The following KDM5A variants were observed in gnomAD, a reference collection of about 807,000 sequenced individuals.
KDM5A encodes the protein lysine-specific demethylase 5A.
In KDM5A, 42 loss-of-function variants were observed where a neutral mutation model predicts 193.5. The observed-to-expected ratio is 0.22, with a 90% confidence interval of 0.17 to 0.28. The LOEUF (loss-of-function observed/expected upper bound fraction) is 0.28, where lower values mean the gene tolerates loss of function less well. Ranked by LOEUF, KDM5A falls within the 10% of genes least tolerant of loss-of-function variation. The probability of loss-of-function intolerance (pLI) is 1.00; values close to 1 mark genes in which losing one functional copy is unlikely to be tolerated. For missense variants in KDM5A, 1,692 were observed against 2,055.1 expected (o/e 0.82, Z 3.42); for synonymous variants, 796 against 718.1 (o/e 1.11, Z -1.73).
chr12:303,212 CAT>C (rs1187783160), intron 24 of KDM5A, among the ~76,000 whole-genome samples: 1 of 152,204 alleles, frequency 6.6e-6, no homozygotes, highest in Non-Finnish European at 1.5e-5. Flanking sequence ...CACATGCACA[CAT>C]ATGTTTACTG....
At chr12:375,904 G>A (rs189765664) in intron 3 of KDM5A, among the ~76,000 whole-genome samples, 11 of 152,306 alleles carry the variant, frequency 7.2e-5, no homozygotes, top group Non-Finnish European at 1.0e-4. Flanking sequence ...GAATGTTGCC[G>A]AACAGCAAAT....
At chr12:363,236 C>T (rs1161771405) in intron 4 of KDM5A, 139 bp from the exon 5 acceptor site, 13 of 925,406 alleles carry the variant, frequency 1.4e-5, no homozygotes, top group Non-Finnish European at 2.0e-5. Flanking sequence ...ACAGCTATCC[C>T]TACCAAAATC....
chr12:289,660 A>G (rs1185576710), intron 27 of KDM5A, among the ~76,000 whole-genome samples: 1 of 148,476 alleles, frequency 6.7e-6, no homozygotes, highest in African/African-American at 2.5e-5. Context: ...GGCTGCAGTG[A>G]GCTATGACCA....
chr12:337,227 GC>G (rs1291727837), intron 10 of KDM5A, among the ~76,000 whole-genome samples: 3 of 152,212 alleles, frequency 2.0e-5, no homozygotes, highest in African/African-American at 7.2e-5. Flanking sequence ...CCTCAGCCAT[GC>G]TACCTGTTCA....
intron 10 of KDM5A, among the ~76,000 whole-genome samples, chr12:343,956 A>C (rs1944037948): frequency 6.6e-6 from 1 of 152,140 alleles, no homozygotes; most frequent in African/African-American, 2.4e-5. Flanking sequence ...GTCAGTAAAA[A>C]CAAACTTCTC....
intron 19 of KDM5A, among the ~76,000 whole-genome samples, chr12:315,429 C>T (rs1379356723): frequency 6.6e-6 from 1 of 152,224 alleles, no homozygotes; most frequent in East Asian, 1.9e-4. Context: ...AAAAAATTAG[C>T]TGGGCATGGT....
At chr12:317,680 G>A (rs548653940) in intron 19 of KDM5A, among the ~76,000 whole-genome samples, 103 of 152,282 alleles carry the variant, frequency 6.8e-4, no homozygotes, top group African/African-American at 2.3e-3. Flanking sequence ...ACCAGTTGTC[G>A]GAGCCAGACC....
rs1943142188 is a variant in KDM5A, at chr12:280,341, G to A, written c.*5115C>T. The A allele has an allele frequency of 8.6e-6, 2 of 232,622 alleles. No homozygotes were observed. Among genetic ancestry groups the A allele is most frequent in the South Asian group, 3.6e-4 (2 of 5,482 alleles). 14.4% of individuals were successfully genotyped at this position (232,622 alleles called of 1,614,324 possible). A position where few individuals can be genotyped will look rare whatever the true frequency, so the allele number is the denominator to read the frequency against. On this transcript the variant is annotated 3_prime_UTR_variant, in exon 28 of 28. Transcript: ENST00000399788. ...CCCCAAGAAATACTTGATCTAAACTGGGAGGGTCCAACACAATTTTTTTTT... is the reference window on the plus strand; with the variant it reads ...CCCCAAGAAATACTTGATCTAAACTAGGAGGGTCCAACACAATTTTTTTTT...
chr12:329,073 T>A, intron 13 of KDM5A, 44 bp from the exon 14 acceptor site: 2 of 1,545,360 alleles, frequency 1.3e-6, no homozygotes, highest in South Asian at 1.1e-5. Context: ...TTATAACATA[T>A]CCCAGCACAG....
intron 5 of KDM5A, among the ~76,000 whole-genome samples, chr12:359,645 G>C (rs1944269502): frequency 6.6e-6 from 1 of 151,796 alleles, no homozygotes; most frequent in African/African-American, 2.4e-5. Context: ...GGGAGGCTGA[G>C]GTGGGAGGAT....
intron 3 of KDM5A, among the ~76,000 whole-genome samples, chr12:376,818 G>C (rs973970135): frequency 6.6e-6 from 1 of 152,064 alleles, no homozygotes; most frequent in African/African-American, 2.4e-5. Flanking sequence ...AAACAAAAAG[G>C]CATCCTCTCA....
At chr12:384,762 G>A (rs369112704) in intron 2 of KDM5A, among the ~76,000 whole-genome samples, 2 of 152,144 alleles carry the variant, frequency 1.3e-5, no homozygotes, top group Admixed American at 6.5e-5. Flanking sequence ...TCAGTAGATC[G>A]GATTCTCTTC....
At chr12:318,908 G>T (rs1943682737) in intron 18 of KDM5A, among the ~76,000 whole-genome samples, 1 of 152,218 alleles carries the variant, frequency 6.6e-6, no homozygotes, top group Non-Finnish European at 1.5e-5. Context: ...ACTTAGTAAT[G>T]TCATTGGTAG....
At chr12:295,014 C>G (rs937586085) in intron 26 of KDM5A, among the ~76,000 whole-genome samples, 1 of 152,166 alleles carries the variant, frequency 6.6e-6, no homozygotes, top group African/African-American at 2.4e-5. Context: ...ACTACTTAAC[C>G]ATCCCTGTGC....
intron 26 of KDM5A, among the ~76,000 whole-genome samples, chr12:295,167 T>C (rs934315297): frequency 6.6e-5 from 10 of 151,868 alleles, no homozygotes; most frequent in South Asian, 2.1e-4. Flanking sequence ...CCTTTTTTTT[T>C]CAACTTAGAT....
chr12:299,209 T>C (rs144142684), intron 24 of KDM5A, among the ~76,000 whole-genome samples: 6 of 152,272 alleles, frequency 3.9e-5, no homozygotes, highest in African/African-American at 1.4e-4. Flanking sequence ...ACCACAAAGA[T>C]ACTCCTTGAG....
rs2137454720 is a variant in KDM5A at position 354,234 on chromosome 12, C to T, written c.871G>A (p.Val291Ile). ...QRKGTLSVNF[V>I]DLYVCMFCGR... ...CAAAACATACAAACATAGAGATCAA[C>T]CTGTTAAAAAAAAAATAAATGAAAG... is the stretch of plus-strand genomic sequence containing the variant. Residue 291 changes from valine to isoleucine, a missense_variant and splice_region_variant, in exon 8 of 28, where the codon GTT becomes ATT. Physicochemically the swap from Val to Ile is conservative, Grantham distance 29 (BLOSUM62 3). Around this residue, in one of 11 missense-constraint regions of KDM5A, gnomAD observed 134 missense variants for 124.2 expected, o/e 1.08. Transcript: ENST00000399788. The T allele has an allele frequency of 6.3e-7, 1 of 1,597,422 alleles. No homozygotes were observed. The highest frequency in any genetic ancestry group is 8.6e-7 in the Non-Finnish European group (1 of 1,167,386).
intron 24 of KDM5A, among the ~76,000 whole-genome samples, chr12:299,508 C>G (rs4980811): frequency 0.35 from 53,660 of 151,982 alleles, 10,151 homozygotes; most frequent in East Asian, 0.58. Context: ...GAGAGATTTT[C>G]TCACCACCAG....
intron 9 of KDM5A, 87 bp from the exon 10 acceptor site, chr12:350,866 A>G: frequency 8.5e-7 from 1 of 1,175,696 alleles, no homozygotes; most frequent in East Asian, 2.3e-5. Context: ...AGTAAACACA[A>G]ACCCATGATG....
Sources: allele counts gnomAD v4.1 joint callset (sites outside exome capture counted in the v4.1 genomes callset), GRCh38; gene constraint gnomAD v4.1.1; regional missense constraint gnomAD v4.1.1; transcripts MANE v1.5; gene names NCBI Gene and HGNC (gene_info 2026-07-23, HGNC 2026-07-21).